The following SLC39A13 variants were observed in gnomAD, a reference collection of about 807,000 sequenced individuals.
The protein encoded by SLC39A13 is solute carrier family 39 member 13.
SLC39A13 carries 18 observed loss-of-function variants against 38.7 expected under a neutral mutation model. The observed-to-expected ratio is 0.47, with a 90% CI of 0.32 to 0.69. SLC39A13 has a LOEUF of 0.69. SLC39A13 is among the 30% of genes least tolerant of loss of function. The pLI is 0.03. For synonymous variants in SLC39A13, 212 were observed against 219.1 expected (o/e 0.97, Z 0.29); for missense variants, 395 against 490.7 (o/e 0.80, Z 1.84).
chr11:47,407,791 T>C (rs894892722), upstream of SLC39A13, among the ~76,000 whole-genome samples: 3 of 152,180 alleles, frequency 2.0e-5, no homozygotes, highest in Non-Finnish European at 4.4e-5. Flanking sequence ...GCGAGTAAAG[T>C]GAATAGCACA....
rs1047190072 is a variant in SLC39A13 at position 47,409,058 on chromosome 11, A to G, written c.-9+396A>G. 2.6e-5 allele frequency: 4 copies of G among 152,542 alleles called. No homozygotes were observed. The East Asian group carries it at 7.7e-4, about 29-fold the overall frequency. The allele number at this position is 152,542 out of a possible 1,614,324, so 9.4% of individuals were successfully genotyped here. A position where few individuals can be genotyped will look rare whatever the true frequency, so the allele number is the denominator to read the frequency against. ...TAGTTAAGGCCTGGAGGTCCTAGAC[A>G]TGGGCATCTCTGCCACCACCCAGAG... On this transcript the variant is annotated intron_variant, in intron 1 of 9. Coordinates refer to ENST00000362021, the MANE Select transcript of SLC39A13 (RefSeq NM_001128225.3).
intron 2 of SLC39A13, 99 bp from the exon 3 acceptor site, chr11:47,411,827 C>T: frequency 5.8e-6 from 7 of 1,203,512 alleles, no homozygotes; most frequent in Non-Finnish European, 8.4e-6. Context: ...CATATCCAGC[C>T]TTGCAGGCCC....
intron 2 of SLC39A13, among the ~76,000 whole-genome samples, chr11:47,410,844 T>G (rs1401424641): frequency 2.0e-5 from 3 of 152,214 alleles, no homozygotes; most frequent in Non-Finnish European, 4.4e-5. Context: ...TGCTGCCAGC[T>G]GGATGCTCAG....
intron 2 of SLC39A13, 114 bp downstream of exon 2, chr11:47,410,509 TAGAA>T: frequency 7.3e-7 from 1 of 1,374,210 alleles, no homozygotes; most frequent in Non-Finnish European, 1.0e-6. Context: ...GAGGATAGAA[TAGAA>T]CTTCTCCCCT....
chr11:47,413,787 C>T (rs1455231487), intron 6 of SLC39A13, 101 bp downstream of exon 6: 7 of 1,289,252 alleles, frequency 5.4e-6, no homozygotes, highest in African/African-American at 2.9e-5. Context: ...CCATTGCCAG[C>T]GCCCTCATCT....
In SLC39A13 at chr11:47,415,393, T is replaced by C. The variant is rs369958360; in HGVS notation, c.*30T>C. 6.8e-6 allele frequency: 11 copies of C among 1,611,056 alleles called. No individual in the cohort carries two copies. Among genetic ancestry groups the C allele is most frequent in the Non-Finnish European group, 8.5e-6 (10 of 1,177,890 alleles). ...CCCTGATGCCGACGCCCCTGCCCCCTGCAGCAATAAGATGCTCGGATTCAC... is the reference window on the plus strand; with the variant it reads ...CCCTGATGCCGACGCCCCTGCCCCCCGCAGCAATAAGATGCTCGGATTCAC... On this transcript the variant is annotated 3_prime_UTR_variant, in exon 10 of 10. Transcript: ENST00000362021.
At chr11:47,412,580 T>A in intron 4 of SLC39A13, 113 bp downstream of exon 4, 2 of 1,568,902 alleles carry the variant, frequency 1.3e-6, no homozygotes. Flanking sequence ...CTCCTGGCCC[T>A]CTCCTGGGAG....
upstream of SLC39A13, chr11:47,408,474 C>A (rs1325208803): frequency 6.6e-6 from 1 of 151,220 alleles, no homozygotes; most frequent in Non-Finnish European, 1.5e-5. Flanking sequence ...CGCCGCCACT[C>A]CCCCCGACCC....
In SLC39A13 at chr11:47,415,049, T is replaced by C. The variant is rs371311030; in HGVS notation, c.930T>C (p.Ser310=). ...TQSPKGVVGC[S]PAAEETAAWV... is the part of the protein sequence containing the mutation. Reference sequence around the variant, plus strand: ...GCCTTGGGTACCCAGTTGGGTGTTCTCCCGCTGCAGAGGAGACGGCAGCCT... The same window carrying C: ...GCCTTGGGTACCCAGTTGGGTGTTCCCCCGCTGCAGAGGAGACGGCAGCCT... Residue 310 remains serine, a synonymous_variant, in exon 9 of 10, where the codon TCT becomes TCC. Coordinates refer to ENST00000362021, the MANE Select transcript of SLC39A13 (RefSeq NM_001128225.3). The C allele has an allele frequency of 1.5e-3, 2,467 of 1,613,464 alleles. 58 individuals are homozygous for C. The South Asian group carries it at 0.026, about 17-fold the overall frequency.
chr11:47,410,193 C>T lies in SLC39A13; in HGVS notation c.99C>T (p.Ser33=), dbSNP rs780547216. The change falls in exon 2 of 10, where the codon TCC becomes TCT. Residue 33 remains serine, a synonymous_variant. Transcript: ENST00000362021. The part of the protein sequence containing the change: ...ALELLERAGG[S]QPALRSRGTA... ...AGCTCTTGGAAAGGGCTGGGGGTTCCCAGCCGGCCCTCCGGAGCCGGGGGA... is the reference window on the plus strand; with the variant it reads ...AGCTCTTGGAAAGGGCTGGGGGTTCTCAGCCGGCCCTCCGGAGCCGGGGGA... The T allele has an allele frequency of 6.2e-7, 1 of 1,613,830 alleles. No individual in the cohort carries two copies. Among genetic ancestry groups the T allele is most frequent in the South Asian group, 1.1e-5 (1 of 91,070 alleles).
Position 47,411,961 on chromosome 11 carries a change from G to A in SLC39A13, c.337G>A (p.Ala113Thr). 1.9e-6 allele frequency: 3 copies of A among 1,613,906 alleles called. No homozygotes were observed. Among genetic ancestry groups the A allele is most frequent in the South Asian group, 2.2e-5 (2 of 91,024 alleles). ...AWRLKQLLSFALGGLLGNVFL... is the reference protein window; with the variant it reads ...AWRLKQLLSFTLGGLLGNVFL... ...GCGCCTGAAGCAGCTGCTCAGCTTC[G>A]CCCTGGGGGGACTCTTGGGCAATGT... The change falls in exon 3 of 10, where the codon GCC (alanine) becomes ACC (threonine). Residue 113 changes from alanine (A) to threonine (T), a missense_variant. Transcript: ENST00000362021.
chr11:47,411,853 AG>A (rs1203766697), intron 2 of SLC39A13, 72 bp from the exon 3 acceptor site: 11 of 1,436,170 alleles, frequency 7.7e-6, no homozygotes, highest in African/African-American at 1.4e-5. Flanking sequence ...GAGCCCAGTG[AG>A]TGGGGTGGGA....
chr11:47,415,432 A>T lies in SLC39A13; in HGVS notation c.*69A>T. On this transcript the variant is annotated 3_prime_UTR_variant, in exon 10 of 10. Coordinates refer to ENST00000362021, the MANE Select transcript of SLC39A13 (RefSeq NM_001128225.3). ...GCTCGGATTCACTCTGTGACCGCATATGTGAGAGGCAGAGAGGGCGAGTGG... is the reference window on the plus strand; with the variant it reads ...GCTCGGATTCACTCTGTGACCGCATTTGTGAGAGGCAGAGAGGGCGAGTGG... The T allele has an allele frequency of 6.4e-7, 1 of 1,560,748 alleles. No homozygotes were observed. The highest frequency in any genetic ancestry group is 1.1e-5 in the South Asian group (1 of 90,094).
chr11:47,411,822 C>A, intron 2 of SLC39A13, 104 bp from the exon 3 acceptor site: 1 of 1,135,460 alleles, frequency 8.8e-7, no homozygotes, highest in East Asian at 2.6e-5. Context: ...CCACCCATAT[C>A]CAGCCTTGCA....
chr11:47,415,807 G>A lies in SLC39A13; in HGVS notation c.*444G>A, dbSNP rs925208067. Reference sequence around the variant, plus strand: ...CTCAGCACACACACAGTCCCCAGGCGGCCTAGGGGCCAAGGCTGGGGCGGC... The same window carrying A: ...CTCAGCACACACACAGTCCCCAGGCAGCCTAGGGGCCAAGGCTGGGGCGGC... On this transcript the variant is annotated 3_prime_UTR_variant, in exon 10 of 10. Transcript: ENST00000362021. 1.1e-5 allele frequency: 3 copies of A among 267,100 alleles called. No individual in the cohort carries two copies. The highest frequency in any genetic ancestry group is 2.2e-5 in the Non-Finnish European group (3 of 135,796). The allele number at this position is 267,100 out of a possible 1,614,324, so 16.5% of individuals were successfully genotyped here.
At chr11:47,409,780 C>A in intron 1 of SLC39A13, 1 of 350,414 alleles carries the variant, frequency 2.9e-6, no homozygotes, top group Non-Finnish European at 5.4e-6. Flanking sequence ...CGGGCCGTGC[C>A]GCCGGTGGCT....
rs1271333933 is a variant in SLC39A13, at chr11:47,416,302, C to T, written c.*939C>T. On this transcript the variant is annotated 3_prime_UTR_variant, in exon 10 of 10. Transcript: ENST00000362021. ...GAGTGCTGAAGCCATAATCCCCAAC[C>T]ATTTCCCTTGGCTGACGCCCAGGTA... 3.3e-5 allele frequency: 5 copies of T among 152,882 alleles called. No homozygotes were observed. Among genetic ancestry groups the T allele is most frequent in the African/African-American group, 1.2e-4 (5 of 41,596 alleles). 9.5% of individuals were successfully genotyped at this position (152,882 alleles called of 1,614,324 possible).
chr11:47,413,005 C>T (rs959792850), intron 4 of SLC39A13, among the ~76,000 whole-genome samples: 1 of 150,388 alleles, frequency 6.6e-6, no homozygotes, highest in East Asian at 1.9e-4. Flanking sequence ...CTTGATCCAC[C>T]CACCTCAGCC....
intron 1 of SLC39A13, chr11:47,409,866 A>G: frequency 1.7e-6 from 1 of 575,664 alleles, no homozygotes; most frequent in South Asian, 2.0e-5. Context: ...CACAGTCTGG[A>G]GCTGCTCAGA....
Sources: gnomAD v4.1 joint callset for allele counts (sites outside exome capture counted in the v4.1 genomes callset) on GRCh38, gnomAD v4.1.1 for gene constraint, MANE v1.5 for transcripts, NCBI Gene and HGNC (gene_info 2026-07-23, HGNC 2026-07-21) for gene names.